Variants in TMEM26 observed in about 807,000 individuals in gnomAD.
TMEM26 encodes the protein transmembrane protein 26.
TMEM26 carries 38 observed loss-of-function variants against 28.8 expected under a neutral mutation model. The ratio of observed to expected loss-of-function variants is 1.32; its 90% confidence interval spans 1.02 to 1.73. The LOEUF (loss-of-function observed/expected upper bound fraction) is 1.73, where lower values mean the gene tolerates loss of function less well. TMEM26 is among the 40% of genes most tolerant of loss of function. The probability of loss-of-function intolerance (pLI) is 0.00; values close to 1 mark genes in which losing one functional copy is unlikely to be tolerated. For synonymous variants in TMEM26, 227 were observed against 182.9 expected, an observed-to-expected ratio of 1.24 and a Z score of -1.95; for missense variants, 518 against 447.1, an observed-to-expected ratio of 1.16 and a Z score of -1.43.
intron 4 of TMEM26, among the ~76,000 whole-genome samples, chr10:61,417,440 A>T (rs1839671262): frequency 6.6e-6 from 1 of 151,556 alleles, no homozygotes; most frequent in Admixed American, 6.6e-5. Context: ...TAGAAAAGAC[A>T]GAATCAGTGG....
At position 61,410,252 on chromosome 10, in the gene TMEM26, G is replaced by A. The variant is rs1351401721; in HGVS notation, c.*70C>T. On this transcript the variant is annotated 3_prime_UTR_variant, in exon 6 of 6. Transcript: ENST00000399298. The stretch of plus-strand genomic sequence containing the variant: ...ATTATTATACGCCAAGGTTGGAGGA[G>A]AAAAAGGATCCTCCCTGTAAGAAGA... The A allele has an allele frequency of 9.5e-6, 14 of 1,469,764 alleles. No individual in the cohort carries two copies. Among genetic ancestry groups the A allele is most frequent in the Non-Finnish European group, 1.3e-5 (14 of 1,093,272 alleles). The allele number at this position is 1,469,764 out of a possible 1,614,324, so 91.0% of individuals were successfully genotyped here.
intron 4 of TMEM26, among the ~76,000 whole-genome samples, chr10:61,422,099 G>A (rs1174196631): frequency 1.3e-5 from 2 of 151,990 alleles, no homozygotes; most frequent in Admixed American, 1.3e-4. Context: ...TTACTACATT[G>A]GAAATATGTT....
chr10:61,433,889 C>T (rs1434313275), intron 2 of TMEM26, among the ~76,000 whole-genome samples: 7 of 152,218 alleles, frequency 4.6e-5, no homozygotes, highest in Middle Eastern at 3.4e-3. Flanking sequence ...GTGTATTCAC[C>T]GTATCAACTT....
chr10:61,417,788 C>T (rs1414899497), intron 4 of TMEM26, among the ~76,000 whole-genome samples: 1 of 152,088 alleles, frequency 6.6e-6, no homozygotes, highest in East Asian at 1.9e-4. Flanking sequence ...CCAGGGAACT[C>T]TCCGTGGCAA....
chr10:61,410,737 A>G lies in TMEM26; in HGVS notation c.692T>C (p.Val231Ala). 1 of 1,613,824 alleles carries G rather than the reference A, an allele frequency of 6.2e-7. No individual in the cohort carries two copies. Among genetic ancestry groups the G allele is most frequent in the Non-Finnish European group, 8.5e-7 (1 of 1,179,860 alleles). The change falls in exon 6 of 6, where the codon GTT becomes GCT. Residue 231 changes from valine to alanine, a missense_variant. By Grantham distance (64) the Val-to-Ala change is moderately conservative. Coordinates refer to ENST00000399298, the MANE Select transcript of TMEM26 (RefSeq NM_178505.8). ...CTCTGTCACAGACACAGGGCACACA[A>G]CGTTCTGTACTGAAAACACAAGACA... ...QFPLDLAVQN[V>A]VCPVSVTERG...
chr10:61,431,372 T>A, intron 2 of TMEM26, 40 bp from the exon 3 acceptor site: 4 of 1,421,800 alleles, frequency 2.8e-6, no homozygotes, highest in Non-Finnish European at 4.0e-6. Flanking sequence ...GGCAAAAAAT[T>A]AGCACAATAT....
chr10:61,418,517 A>G (rs957175094), intron 4 of TMEM26, among the ~76,000 whole-genome samples: 7 of 152,034 alleles, frequency 4.6e-5, no homozygotes, highest in Non-Finnish European at 5.9e-5. Context: ...TTAGGGACCT[A>G]TAGTCAGCAA....
chr10:61,422,046 A>G (rs1236514785), intron 4 of TMEM26, among the ~76,000 whole-genome samples: 1 of 152,136 alleles, frequency 6.6e-6, no homozygotes, highest in Non-Finnish European at 1.5e-5. Flanking sequence ...ACTTTCAGAA[A>G]AGAAATATTA....
chr10:61,430,731 A>T (rs1260808636), intron 3 of TMEM26, among the ~76,000 whole-genome samples: 1 of 152,056 alleles, frequency 6.6e-6, no homozygotes, highest in Non-Finnish European at 1.5e-5. Context: ...ATCCCCAAAA[A>T]TGCCACGTAG....
Position 61,452,990 on chromosome 10 carries a change from T to G in TMEM26, c.92A>C (p.Lys31Thr), listed in dbSNP as rs780642011. The G allele has an allele frequency of 2.5e-6, 4 of 1,613,870 alleles. No homozygotes were observed. Among genetic ancestry groups the G allele is most frequent in the African/African-American group, 1.3e-5 (1 of 74,912 alleles). Reference protein sequence around the residue: ...LVGVWRVTEVKKEPRYWLLAL... With the variant: ...LVGVWRVTEVTKEPRYWLLAL... ...AAGCAGCCAGTACCGCGGCTCCTTC[T>G]TCACCTCGGTCACTCGCCAGACCCC... Residue 31 changes from lysine to threonine, a missense_variant, in exon 1 of 6, where the codon AAG (lysine) becomes ACG (threonine). Transcript: ENST00000399298.
rs1299570595 is a variant in TMEM26 at position 61,407,014 on chromosome 10, TG to T, written c.*3307del. 3 of 151,984 alleles carry T rather than the reference TG, an allele frequency of 2.0e-5. No homozygotes were observed. The highest frequency in any genetic ancestry group is 7.2e-5 in the African/African-American group (3 of 41,408). 9.4% of individuals were successfully genotyped at this position (151,984 alleles called of 1,614,324 possible). A position where few individuals can be genotyped will look rare whatever the true frequency, so the allele number is the denominator to read the frequency against. ...TTTCTTGTAATTCAAGACTGTTTGG[TG>T]TTTCATTTGCGTCTCTGTAGTATAC... On this transcript the variant is annotated 3_prime_UTR_variant, in exon 6 of 6. Coordinates refer to ENST00000399298, the MANE Select transcript of TMEM26 (RefSeq NM_178505.8).
chr10:61,423,888 A>T (rs981069353), intron 4 of TMEM26, among the ~76,000 whole-genome samples: 1 of 152,224 alleles, frequency 6.6e-6, no homozygotes, highest in Admixed American at 6.6e-5. Context: ...CAGGAAAAGG[A>T]TTTAATGAAA....
chr10:61,449,795 G>C (rs529620859), intron 1 of TMEM26, among the ~76,000 whole-genome samples: 1 of 147,430 alleles, frequency 6.8e-6, no homozygotes, highest in African/African-American at 2.5e-5. Flanking sequence ...TTTCCTTTTC[G>C]CCTTCCCTTT....
chr10:61,434,670 T>A (rs767581224), intron 2 of TMEM26, among the ~76,000 whole-genome samples: 2 of 152,244 alleles, frequency 1.3e-5, no homozygotes, highest in Non-Finnish European at 2.9e-5. Flanking sequence ...TATATGACTT[T>A]GGTGATTTTT....
In TMEM26 at chr10:61,453,145, C is replaced by T; in HGVS notation, c.-64G>A. 5 of 1,529,512 alleles carry T rather than the reference C, an allele frequency of 3.3e-6. No individual in the cohort carries two copies. The highest frequency in any genetic ancestry group is 2.3e-5 in the South Asian group (2 of 86,082). The allele number at this position is 1,529,512 out of a possible 1,614,324, so 94.7% of individuals were successfully genotyped here. ...CCCCCAGGACCCTGCCGGGCGTGCCCGGAGCCCACCGGTGAGCAGGAATAT... is the reference window on the plus strand; with the variant it reads ...CCCCCAGGACCCTGCCGGGCGTGCCTGGAGCCCACCGGTGAGCAGGAATAT... On this transcript the variant is annotated 5_prime_UTR_variant, in exon 1 of 6. Transcript: ENST00000399298.
rs1409502478 is a variant in TMEM26 at position 61,443,356 on chromosome 10, T to C, written c.192-7108A>G. On this transcript the variant is annotated intron_variant, in intron 1 of 5. Transcript: ENST00000399298. ...GGCGTGCGCCTGTAGTCCCAGCTACTCGGGAGGCTGAGGCAGGAGAATGGT... is the reference window on the plus strand; with the variant it reads ...GGCGTGCGCCTGTAGTCCCAGCTACCCGGGAGGCTGAGGCAGGAGAATGGT... 2.0e-5 allele frequency among the ~76,000 whole-genome samples: 3 copies of C among 149,578 alleles called. No homozygotes were observed. In the East Asian group the frequency reaches 5.9e-4, roughly 29 times the overall value.
chr10:61,431,482 G>A, intron 2 of TMEM26, 150 bp from the exon 3 acceptor site: 1 of 536,292 alleles, frequency 1.9e-6, no homozygotes, highest in Non-Finnish European at 3.3e-6. Context: ...TCGGAATATA[G>A]GCCTGAGATT....
chr10:61,416,077 A>C (rs201085466), intron 4 of TMEM26: 50 of 450,300 alleles, frequency 1.1e-4, no homozygotes, highest in Non-Finnish European at 2.1e-4. Flanking sequence ...ACAAGTTGCC[A>C]CTTGGGGTTA....
At chr10:61,416,737 A>G (rs1839658684) in intron 4 of TMEM26, among the ~76,000 whole-genome samples, 1 of 152,076 alleles carries the variant, frequency 6.6e-6, no homozygotes, top group South Asian at 2.1e-4. Context: ...TTAGCACACA[A>G]AAAGTCATAA....
Sources: allele counts gnomAD v4.1 joint callset (sites outside exome capture counted in the v4.1 genomes callset), GRCh38; gene constraint gnomAD v4.1.1; transcripts MANE v1.5; gene names NCBI Gene and HGNC (gene_info 2026-07-23, HGNC 2026-07-21).